DCC: variants seen among roughly 807,000 people sequenced by gnomAD.
The protein encoded by DCC is netrin receptor DCC.
DCC carries 58 observed loss-of-function variants against 172.5 expected under a neutral mutation model. The ratio of observed to expected loss-of-function variants is 0.34; its 90% CI spans 0.27 to 0.42. The LOEUF (loss-of-function observed/expected upper bound fraction) is 0.42, where lower values mean the gene tolerates loss of function less well. DCC is among the 10% of genes least tolerant of loss of function. The pLI, the probability that DCC is intolerant of heterozygous loss-of-function variation, is 1.00. For synonymous variants in DCC, 709 were observed against 644.5 expected (o/e 1.10, Z -1.52); for missense variants, 1,740 against 1,791.0 (o/e 0.97, Z 0.51).
At chr18:53,517,440 AAATATAATAAT>A (rs1568182650) in intron 27 of DCC, among the ~76,000 whole-genome samples, 1 of 128,664 alleles carries the variant, frequency 7.8e-6, no homozygotes, top group African/African-American at 2.8e-5. Flanking sequence ...CTAAAACTTA[AAATATAATAAT>A]AATAATAATA....
At chr18:52,646,214 G>A (rs999319666) in intron 1 of DCC, among the ~76,000 whole-genome samples, 14 of 152,260 alleles carry the variant, frequency 9.2e-5, no homozygotes, top group South Asian at 2.1e-4. Flanking sequence ...TAATAAATGC[G>A]CTTTCTAATC....
intron 14 of DCC, among the ~76,000 whole-genome samples, chr18:53,324,939 C>T (rs1355564402): frequency 1.3e-5 from 2 of 151,820 alleles, no homozygotes; most frequent in African/African-American, 2.4e-5. Flanking sequence ...CTGTGGAGCT[C>T]AAAATTAGGT....
In DCC at chr18:53,029,616, CT is replaced by C. The variant is rs74178698; in HGVS notation, c.986-33681del. On this transcript the variant is annotated intron_variant, in intron 5 of 28. Transcript: ENST00000442544. ...TAACTTGAAGGCAGATTCTATGTGT[CT>C]TTTTTTTATCTTTGTATAGCTACAC... 1.8e-4 allele frequency among the ~76,000 whole-genome samples: 28 copies of C among 151,776 alleles called. 1 individual carries two copies. In the South Asian group the frequency reaches 5.4e-3, roughly 29 times the overall value.
intron 7 of DCC, among the ~76,000 whole-genome samples, chr18:53,149,548 G>A (rs555701107): frequency 1.3e-5 from 2 of 152,208 alleles, no homozygotes; most frequent in South Asian, 4.1e-4. Context: ...AGCTGCCTGT[G>A]GTACTTGCTG....
chr18:52,797,660 C>T (rs2037901256), intron 2 of DCC, among the ~76,000 whole-genome samples: 1 of 152,154 alleles, frequency 6.6e-6, no homozygotes, highest in South Asian at 2.1e-4. Context: ...TTGGGTCTGA[C>T]CTCAGGCCTC....
At chr18:52,386,575 G>A (rs1985807989) in intron 1 of DCC, among the ~76,000 whole-genome samples, 1 of 151,970 alleles carries the variant, frequency 6.6e-6, no homozygotes, top group Non-Finnish European at 1.5e-5. Context: ...TAATTATCTT[G>A]GAGAGCCTTG....
At chr18:53,528,441 A>AAATC (rs1439535694) in intron 28 of DCC, among the ~76,000 whole-genome samples, 1 of 152,130 alleles carries the variant, frequency 6.6e-6, no homozygotes, top group South Asian at 2.1e-4. Context: ...ATCTCAAATA[A>AAATC]AATCAAACTT....
chr18:52,879,772 G>A (rs1225127897), intron 2 of DCC, among the ~76,000 whole-genome samples: 3 of 152,028 alleles, frequency 2.0e-5, no homozygotes, highest in South Asian at 4.1e-4. Context: ...CAGCTCAAGA[G>A]CAGCCATAGA....
chr18:52,921,165 G>A (rs995576387), intron 3 of DCC, among the ~76,000 whole-genome samples: 1 of 151,990 alleles, frequency 6.6e-6, no homozygotes, highest in Non-Finnish European at 1.5e-5. Flanking sequence ...AATAATGTCA[G>A]CTATGGACTT....
intron 2 of DCC, among the ~76,000 whole-genome samples, chr18:52,870,095 C>A (rs1411305866): frequency 6.6e-6 from 1 of 152,100 alleles, no homozygotes; most frequent in African/African-American, 2.4e-5. Flanking sequence ...CAGTAGCTCT[C>A]AGGGCAGCAG....
intron 1 of DCC, among the ~76,000 whole-genome samples, chr18:52,700,208 ATG>A (rs2036088995): frequency 2.2e-4 from 11 of 50,788 alleles, no homozygotes; most frequent in Non-Finnish European, 4.9e-4. Flanking sequence ...ACATACACAC[ATG>A]CACATGTGCA....
chr18:52,487,180 G>T (rs184648823), intron 1 of DCC, among the ~76,000 whole-genome samples: 7 of 152,192 alleles, frequency 4.6e-5, no homozygotes, highest in Admixed American at 4.6e-4. Context: ...GCAAATATAA[G>T]GTTAGTCTAG....
chr18:53,307,576 T>C (rs2057214511), intron 13 of DCC, among the ~76,000 whole-genome samples: 1 of 151,946 alleles, frequency 6.6e-6, no homozygotes. Context: ...ATGATAAACA[T>C]TGAGAATATA....
At chr18:53,381,557 C>A (rs1907734128) in intron 15 of DCC, among the ~76,000 whole-genome samples, 1 of 54,726 alleles carries the variant, frequency 1.8e-5, no homozygotes. Context: ...ATATTTACCC[C>A]CCACCCCCCC....
intron 1 of DCC, among the ~76,000 whole-genome samples, chr18:52,606,141 A>T (rs1370686494): frequency 1.3e-5 from 2 of 152,048 alleles, no homozygotes; most frequent in East Asian, 1.9e-4. Context: ...TGAAATTGCC[A>T]CTTCTATCTT....
chr18:52,929,817 A>AACAC (rs34457182), intron 5 of DCC, among the ~76,000 whole-genome samples: 1,731 of 144,844 alleles, frequency 0.012, 26 homozygotes, highest in African/African-American at 0.033. Context: ...GGACTTTGCA[A>AACAC]ACACACACAC....
intron 14 of DCC, among the ~76,000 whole-genome samples, chr18:53,338,527 G>A (rs998138468): frequency 2.0e-5 from 3 of 152,204 alleles, no homozygotes; most frequent in African/African-American, 7.2e-5. Flanking sequence ...CTTGAACCCA[G>A]GAGGCGGAGG....
rs72121087 is a variant in DCC at position 53,069,620 on chromosome 18, C to CA, written c.1261+3469dup. ...AACTCACAGAACTGCTCCACAAAAA[C>CA]AAAAAAAAAAAAAAAGAAGCTTGCA... On this transcript the variant is annotated intron_variant, in intron 7 of 28. Coordinates refer to ENST00000442544, the MANE Select transcript of DCC (RefSeq NM_005215.4). Among the ~76,000 whole-genome samples, 896 of 113,412 alleles carry CA rather than the reference C, an allele frequency of 7.9e-3. 2 individuals carry two copies. Among genetic ancestry groups the CA allele is most frequent in the East Asian group, 0.013 (55 of 4,358 alleles). The allele number at this position is 113,412 out of a possible 152,430, so 74.4% of individuals were successfully genotyped here.
intron 12 of DCC, among the ~76,000 whole-genome samples, chr18:53,303,285 A>G (rs1202896959): frequency 2.0e-5 from 3 of 152,152 alleles, no homozygotes; most frequent in Non-Finnish European, 4.4e-5. Context: ...ATCTTTTAAT[A>G]TTCTTGTGTT....
Sources: allele counts gnomAD v4.1 joint callset (sites outside exome capture counted in the v4.1 genomes callset), GRCh38; gene constraint gnomAD v4.1.1; transcripts MANE v1.5; gene names NCBI Gene and HGNC (gene_info 2026-07-23, HGNC 2026-07-21).